The following ZNF385D variants were observed in gnomAD, a reference collection of about 807,000 sequenced individuals.
ZNF385D encodes zinc finger protein 659.
A neutral mutation model predicts 35.8 loss-of-function variants in ZNF385D; 15 were observed. The ratio of observed to expected loss-of-function variants is 0.42; its 90% CI spans 0.28 to 0.64. The LOEUF (loss-of-function observed/expected upper bound fraction) is 0.64, where lower values mean the gene tolerates loss of function less well. ZNF385D is among the 30% of genes least tolerant of loss of function. ZNF385D has a pLI of 0.23. For missense variants in ZNF385D, 474 were observed against 494.6 expected (o/e 0.96, Z 0.39); for synonymous variants, 212 against 186.8 (o/e 1.13, Z -1.10).
chr3:22,066,273 A>G (rs1284184134), intron 3 of ZNF385D, among the ~76,000 whole-genome samples: 1 of 151,956 alleles, frequency 6.6e-6, no homozygotes, highest in African/African-American at 2.4e-5. Context: ...AAATGAAGGA[A>G]AGGGGAAAAC....
chr3:22,159,627 G>A (rs1486296492), intron 3 of ZNF385D, among the ~76,000 whole-genome samples: 1 of 151,946 alleles, frequency 6.6e-6, no homozygotes, highest in African/African-American at 2.4e-5. Flanking sequence ...TAACTGACAT[G>A]TTTTCTTTTT....
intron 3 of ZNF385D, among the ~76,000 whole-genome samples, chr3:22,083,666 T>C (rs566959627): frequency 6.6e-6 from 1 of 152,130 alleles, no homozygotes; most frequent in Non-Finnish European, 1.5e-5. Flanking sequence ...CTGTAGGATA[T>C]TATCCAAGAG....
At chr3:21,972,040 GA>G (rs1177844523) in intron 3 of ZNF385D, among the ~76,000 whole-genome samples, 1 of 151,844 alleles carries the variant, frequency 6.6e-6, no homozygotes, top group Non-Finnish European at 1.5e-5. Flanking sequence ...TTCAGCAGCG[GA>G]AAAATCATTT....
intron 2 of ZNF385D, among the ~76,000 whole-genome samples, chr3:22,319,126 G>A: frequency 6.6e-6 from 1 of 152,054 alleles, no homozygotes; most frequent in East Asian, 1.9e-4. Flanking sequence ...CCCAATATAA[G>A]TATCTTAAAA....
chr3:21,607,468 T>G (rs1381641601), intron 2 of ZNF385D, among the ~76,000 whole-genome samples: 1 of 152,164 alleles, frequency 6.6e-6, no homozygotes, highest in East Asian at 1.9e-4. Context: ...TTTGTATTTT[T>G]CTACTGCTCT....
chr3:22,226,733 T>A (rs1055445970), intron 2 of ZNF385D, among the ~76,000 whole-genome samples: 14 of 152,168 alleles, frequency 9.2e-5, no homozygotes, highest in Non-Finnish European at 2.9e-5. Context: ...ATCAGTCATG[T>A]CTTTATTTTT....
intron 3 of ZNF385D, among the ~76,000 whole-genome samples, chr3:21,768,196 C>T (rs2070914929): frequency 6.6e-6 from 1 of 151,974 alleles, no homozygotes; most frequent in African/African-American, 2.4e-5. Flanking sequence ...TGAAAAAGGA[C>T]AAAGGACTTT....
chr3:22,007,263 A>T (rs539048939), intron 3 of ZNF385D, among the ~76,000 whole-genome samples: 4 of 152,114 alleles, frequency 2.6e-5, no homozygotes, highest in Non-Finnish European at 4.4e-5. Flanking sequence ...CTAAATCTTA[A>T]TTTTTTTAAA....
chr3:21,938,406 C>T (rs571816070), intron 3 of ZNF385D, among the ~76,000 whole-genome samples: 10 of 152,166 alleles, frequency 6.6e-5, no homozygotes, highest in Non-Finnish European at 1.2e-4. Flanking sequence ...CTGAGGCGGG[C>T]AGAGATTGGA....
intron 1 of ZNF385D, among the ~76,000 whole-genome samples, chr3:21,730,095 C>T (rs922996111): frequency 3.9e-5 from 6 of 152,174 alleles, no homozygotes; most frequent in Admixed American, 2.6e-4. Flanking sequence ...AGAACAACCT[C>T]CCGAAGAGAC....
intron 1 of ZNF385D, among the ~76,000 whole-genome samples, chr3:21,674,160 C>T (rs2066654838): frequency 6.6e-6 from 1 of 152,092 alleles, no homozygotes. Flanking sequence ...TTGTCTCAGG[C>T]TGCAGAAGGA....
chr3:21,508,088 C>T (rs1014726766), intron 4 of ZNF385D, among the ~76,000 whole-genome samples: 11 of 152,036 alleles, frequency 7.2e-5, no homozygotes, highest in South Asian at 2.1e-4. Flanking sequence ...TAATGTCCAT[C>T]GCTTCCTTCT....
In ZNF385D at chr3:21,454,566, A is replaced by C. The variant is rs1210360920; in HGVS notation, c.440-17363T>G. Reference sequence around the variant, plus strand: ...GAAACTTTGAGTTTCCTCTCAATAAATTAGGTATTGATGGGACGTATCTCA... The same window carrying C: ...GAAACTTTGAGTTTCCTCTCAATAACTTAGGTATTGATGGGACGTATCTCA... On this transcript the variant is annotated intron_variant, in intron 4 of 7. Transcript: ENST00000281523. Among the ~76,000 whole-genome samples the C allele has an allele frequency of 2.0e-5, 3 of 152,070 alleles. No individual in the cohort carries two copies. In the East Asian group the frequency reaches 5.8e-4, roughly 29 times the overall value.
At chr3:21,706,313 T>A (rs1462405171) in intron 1 of ZNF385D, among the ~76,000 whole-genome samples, 1 of 152,102 alleles carries the variant, frequency 6.6e-6, no homozygotes, top group African/African-American at 2.4e-5. Context: ...TCACATATCA[T>A]ACAAATCATC....
intron 3 of ZNF385D, among the ~76,000 whole-genome samples, chr3:21,968,795 G>C (rs1220678040): frequency 4.6e-5 from 7 of 152,194 alleles, no homozygotes; most frequent in Non-Finnish European, 1.0e-4. Flanking sequence ...CACATTCCAA[G>C]CTATGTTAGC....
intron 3 of ZNF385D, among the ~76,000 whole-genome samples, chr3:22,021,914 G>A (rs1184957779): frequency 2.0e-5 from 3 of 152,174 alleles, no homozygotes; most frequent in African/African-American, 7.2e-5. Flanking sequence ...TGATTCTAAT[G>A]TGCAGACAAG....
chr3:22,071,460 T>C (rs555510256), intron 3 of ZNF385D, among the ~76,000 whole-genome samples: 68 of 152,286 alleles, frequency 4.5e-4, no homozygotes, highest in African/African-American at 1.5e-3. Flanking sequence ...ATTGCTGACA[T>C]TTATCTCTCA....
Position 21,905,103 on chromosome 3 carries a change from T to C in ZNF385D, c.326-240075A>G, listed in dbSNP as rs377017818. 2.1e-4 allele frequency among the ~76,000 whole-genome samples: 32 copies of C among 149,016 alleles called. No homozygotes were observed. In the East Asian group the frequency reaches 5.8e-3, roughly 27 times the overall value. On this transcript the variant is annotated intron_variant, in intron 3 of 5. Coordinates refer to the ZNF385D transcript ENST00000494108. Reference sequence around the variant, plus strand: ...CTTTCAGGGAAATAATGATATGTATTAGAGATTATGACATTATAGAATCTT... The same window carrying C: ...CTTTCAGGGAAATAATGATATGTATCAGAGATTATGACATTATAGAATCTT...
At chr3:21,425,394 G>A in intron 6 of ZNF385D, 98 bp downstream of exon 6, 2 of 1,277,536 alleles carry the variant, frequency 1.6e-6, no homozygotes, top group Non-Finnish European at 2.1e-6. Flanking sequence ...ATGGGTGAAT[G>A]GGACAGAAAG....
Sources: gnomAD v4.1 joint callset for allele counts (sites outside exome capture counted in the v4.1 genomes callset) on GRCh38, gnomAD v4.1.1 for gene constraint, MANE v1.5 for transcripts, NCBI Gene and HGNC (gene_info 2026-07-23, HGNC 2026-07-21) for gene names.